CADM2: variants seen among roughly 807,000 people sequenced by gnomAD.
CADM2 encodes the protein cell adhesion molecule 2.
Under a neutral mutation model 49.8 loss-of-function variants are expected in CADM2, and 12 were observed. The ratio of observed to expected loss-of-function variants is 0.24; its 90% CI spans 0.15 to 0.39. The LOEUF is 0.39. Among genes scored for constraint, CADM2 ranks in the 10% least tolerant of loss-of-function variants. The probability of loss-of-function intolerance (pLI) is 1.00; values close to 1 mark genes in which losing one functional copy is unlikely to be tolerated. For synonymous variants in CADM2, 214 were observed against 175.4 expected (o/e 1.22, Z -1.74); for missense variants, 378 against 492.3 (o/e 0.77, Z 2.20).
chr3:85,667,707 C>A (rs144670421), intron 1 of CADM2, among the ~76,000 whole-genome samples: 4 of 152,146 alleles, frequency 2.6e-5, no homozygotes, highest in African/African-American at 9.6e-5. Context: ...AATCTTCTTG[C>A]CCCAGTGGCT....
intron 1 of CADM2, among the ~76,000 whole-genome samples, chr3:85,319,925 A>C (rs774899813): frequency 6.6e-6 from 1 of 152,184 alleles, no homozygotes; most frequent in Non-Finnish European, 1.5e-5. Context: ...GAACCTAAAT[A>C]AGAGTTTTAA....
intron 8 of CADM2, among the ~76,000 whole-genome samples, chr3:85,967,912 A>G (rs1277654709): frequency 2.0e-5 from 3 of 151,588 alleles, no homozygotes; most frequent in African/African-American, 7.3e-5. Context: ...GGATTCAACT[A>G]AAATCTGTTC....
intron 1 of CADM2, among the ~76,000 whole-genome samples, chr3:85,594,136 T>C (rs1407140258): frequency 6.6e-6 from 1 of 151,974 alleles, no homozygotes; most frequent in African/African-American, 2.4e-5. Context: ...TTTAAAATTA[T>C]AATCTTTGAA....
intron 1 of CADM2, chr3:85,511,941 T>A (rs1406108437): frequency 1.2e-6 from 1 of 837,242 alleles, no homozygotes; most frequent in African/African-American, 1.8e-5. Flanking sequence ...TATAGCAATG[T>A]TCAATATATA....
chr3:85,178,836 A>G (rs1217136605), intron 1 of CADM2, among the ~76,000 whole-genome samples: 1 of 151,808 alleles, frequency 6.6e-6, no homozygotes. Context: ...TACTTCTGAA[A>G]GTTCTCTTTT....
intron 5 of CADM2, among the ~76,000 whole-genome samples, chr3:85,896,223 T>C (rs1715197036): frequency 6.6e-6 from 1 of 152,118 alleles, no homozygotes; most frequent in African/African-American, 2.4e-5. Context: ...AAGTTTGAGT[T>C]TGCAGAGAGC....
At chr3:85,782,437 G>A (rs1364045368) in intron 2 of CADM2, among the ~76,000 whole-genome samples, 2 of 151,980 alleles carry the variant, frequency 1.3e-5, no homozygotes, top group Non-Finnish European at 2.9e-5. Context: ...AGCACTTTGG[G>A]AGGCTGAGGC....
chr3:85,942,220 T>TA lies in CADM2; in HGVS notation c.791+6371dup, dbSNP rs79661748. 2.7e-3 allele frequency among the ~76,000 whole-genome samples: 403 copies of TA among 151,882 alleles called. 6 individuals carry two copies. In the East Asian group the frequency reaches 0.067, roughly 25 times the overall value. On this transcript the variant is annotated intron_variant, in intron 7 of 9. Coordinates refer to ENST00000383699, the MANE Select transcript of CADM2 (RefSeq NM_001167675.2). ...GCCCATATTTCAATCAAATAGTTGT[T>TA]AAAAAAAATACCACCAGGCCTGCCC... is the stretch of plus-strand genomic sequence containing the variant.
intron 1 of CADM2, among the ~76,000 whole-genome samples, chr3:85,628,907 T>C (rs1053872794): frequency 2.0e-5 from 3 of 151,510 alleles, no homozygotes; most frequent in African/African-American, 7.3e-5. Context: ...ATTGAGGTGG[T>C]ATATGTTTAA....
chr3:85,578,714 G>T (rs1421858786), intron 1 of CADM2, among the ~76,000 whole-genome samples: 2 of 152,132 alleles, frequency 1.3e-5, no homozygotes, highest in African/African-American at 2.4e-5. Context: ...TTATTCTTTT[G>T]CATCTATGAA....
At chr3:85,485,249 A>C in intron 1 of CADM2, among the ~76,000 whole-genome samples, 1 of 151,940 alleles carries the variant, frequency 6.6e-6, no homozygotes, top group East Asian at 1.9e-4. Flanking sequence ...CATGTGATGT[A>C]TTTAAAAAAT....
chr3:84,973,494 T>C (rs1390326830), intron 1 of CADM2, among the ~76,000 whole-genome samples: 1 of 152,132 alleles, frequency 6.6e-6, no homozygotes, highest in African/African-American at 2.4e-5. Context: ...AAAAGAAATA[T>C]TCAAGAATGC....
At chr3:85,984,896 G>T (rs1727908693) in intron 8 of CADM2, among the ~76,000 whole-genome samples, 1 of 151,926 alleles carries the variant, frequency 6.6e-6, no homozygotes, top group African/African-American at 2.4e-5. Context: ...AAATTTAATT[G>T]TAATGAGATT....
At chr3:85,958,940 T>C (rs1724432370) in intron 7 of CADM2, among the ~76,000 whole-genome samples, 1 of 151,540 alleles carries the variant, frequency 6.6e-6, no homozygotes. Context: ...GATGGGTTGA[T>C]GGATGCAGGA....
At chr3:85,771,992 T>C (rs1452789663) in intron 2 of CADM2, among the ~76,000 whole-genome samples, 3 of 149,964 alleles carry the variant, frequency 2.0e-5, no homozygotes, top group Non-Finnish European at 4.4e-5. Flanking sequence ...TGTAGTATTG[T>C]ATTTTTTCTT....
intron 1 of CADM2, among the ~76,000 whole-genome samples, chr3:85,551,482 G>C (rs1015305527): frequency 6.6e-6 from 1 of 151,998 alleles, no homozygotes; most frequent in African/African-American, 2.4e-5. Flanking sequence ...TGATCATATG[G>C]TGATTCACTG....
chr3:85,445,477 ATAT>A (rs939902034), intron 1 of CADM2, among the ~76,000 whole-genome samples: 8 of 152,034 alleles, frequency 5.3e-5, no homozygotes, highest in Admixed American at 1.3e-4. Context: ...TAAAAATATA[ATAT>A]TATAATATGT....
chr3:85,791,188 A>G (rs548352746), intron 2 of CADM2, among the ~76,000 whole-genome samples: 3 of 152,282 alleles, frequency 2.0e-5, no homozygotes, highest in Admixed American at 6.5e-5. Flanking sequence ...CTAATTTCCT[A>G]TCTCACATGA....
intron 1 of CADM2, among the ~76,000 whole-genome samples, chr3:85,396,709 A>G (rs1374012456): frequency 2.0e-5 from 3 of 152,128 alleles, no homozygotes; most frequent in Non-Finnish European, 4.4e-5. Context: ...AATTTTGGAC[A>G]TTCCACATGC....
Sources: allele counts gnomAD v4.1 joint callset (sites outside exome capture counted in the v4.1 genomes callset), GRCh38; gene constraint gnomAD v4.1.1; transcripts MANE v1.5; gene names NCBI Gene and HGNC (gene_info 2026-07-23, HGNC 2026-07-21).